Variants in CERS6 observed in about 807,000 individuals in gnomAD.
The protein encoded by CERS6 is LAG1 homolog, ceramide synthase 6.
Under a neutral mutation model 56.8 loss-of-function variants are expected in CERS6, and 26 were observed. That is an observed-to-expected ratio of 0.46 (90% confidence interval 0.34 to 0.63). The LOEUF (loss-of-function observed/expected upper bound fraction) is 0.63. CERS6 is among the 30% of genes least tolerant of loss of function. CERS6 has a pLI of 0.01. For missense variants in CERS6, 415 were observed against 467.5 expected, an observed-to-expected ratio of 0.89 and a Z score of 1.04; for synonymous variants, 164 against 173.3, an observed-to-expected ratio of 0.95 and a Z score of 0.42.
chr2:168,698,750 T>C (rs62174423), intron 6 of CERS6, among the ~76,000 whole-genome samples: 5,042 of 152,306 alleles, frequency 0.033, 121 homozygotes, highest in East Asian at 0.14. Flanking sequence ...CATTTTGTAT[T>C]ACTTTAACAT....
At chr2:168,530,638 T>G (rs1321917490) in intron 1 of CERS6, among the ~76,000 whole-genome samples, 1 of 152,238 alleles carries the variant, frequency 6.6e-6, no homozygotes, top group Non-Finnish European at 1.5e-5. Context: ...TGTGTTTCTT[T>G]AATAGTTGAA....
chr2:168,519,588 A>G (rs1435811009), intron 1 of CERS6, among the ~76,000 whole-genome samples: 3 of 152,014 alleles, frequency 2.0e-5, no homozygotes, highest in Admixed American at 1.3e-4. Flanking sequence ...TGCGTACCCA[A>G]TGTTTAGCTC....
chr2:168,593,920 A>T (rs1683734484), intron 3 of CERS6, among the ~76,000 whole-genome samples: 1 of 152,084 alleles, frequency 6.6e-6, no homozygotes, highest in African/African-American at 2.4e-5. Context: ...GACCATGAAT[A>T]CTCTGTTACT....
intron 4 of CERS6, among the ~76,000 whole-genome samples, chr2:168,665,736 A>G (rs1685741202): frequency 6.6e-6 from 1 of 152,184 alleles, no homozygotes; most frequent in Non-Finnish European, 1.5e-5. Context: ...AGTGACTGAC[A>G]TACAGTAGTC....
At chr2:168,615,858 A>G (rs1296162978) in intron 3 of CERS6, among the ~76,000 whole-genome samples, 2 of 152,184 alleles carry the variant, frequency 1.3e-5, no homozygotes, top group Non-Finnish European at 2.9e-5. Flanking sequence ...CAAATACAAG[A>G]CACACAAAGA....
chr2:168,740,094 G>A (rs527326579), intron 8 of CERS6, among the ~76,000 whole-genome samples: 4 of 152,064 alleles, frequency 2.6e-5, no homozygotes, highest in Non-Finnish European at 1.5e-5. Context: ...AAAAGAGCAA[G>A]GGAAAAATTA....
At chr2:168,599,823 A>G (rs1001388293) in intron 3 of CERS6, among the ~76,000 whole-genome samples, 5 of 152,202 alleles carry the variant, frequency 3.3e-5, no homozygotes, top group African/African-American at 1.2e-4. Context: ...GGAATTCCAA[A>G]TATAAAGAGG....
intron 6 of CERS6, among the ~76,000 whole-genome samples, chr2:168,705,097 CT>C (rs1686905674): frequency 1.3e-5 from 2 of 152,202 alleles, no homozygotes; most frequent in Non-Finnish European, 2.9e-5. Context: ...AGTCACACAA[CT>C]GGATTCAGAG....
intron 3 of CERS6, among the ~76,000 whole-genome samples, chr2:168,603,724 A>G (rs1683988263): frequency 6.6e-6 from 1 of 152,198 alleles, no homozygotes; most frequent in African/African-American, 2.4e-5. Flanking sequence ...TCCATGATGC[A>G]ATGTCTTTAA....
At chr2:168,677,538 C>T (rs1207435493) in intron 4 of CERS6, among the ~76,000 whole-genome samples, 2 of 151,994 alleles carry the variant, frequency 1.3e-5, no homozygotes, top group Non-Finnish European at 2.9e-5. Flanking sequence ...ACTCTTGTTG[C>T]CCAGGCTGGA....
chr2:168,762,573 C>T (rs1178715839), intron 8 of CERS6, among the ~76,000 whole-genome samples: 1 of 152,040 alleles, frequency 6.6e-6, no homozygotes, highest in Non-Finnish European at 1.5e-5. Context: ...CCATTTATAC[C>T]AATTTGGCCT....
chr2:168,474,482 G>T (rs886839778), intron 1 of CERS6, among the ~76,000 whole-genome samples: 2 of 152,168 alleles, frequency 1.3e-5, no homozygotes, highest in African/African-American at 4.8e-5. Flanking sequence ...CATTCCTCGT[G>T]TCCTCCCAAC....
chr2:168,639,013 C>T (rs149223606), intron 4 of CERS6, among the ~76,000 whole-genome samples: 2 of 152,068 alleles, frequency 1.3e-5, no homozygotes, highest in South Asian at 2.1e-4. Context: ...CACTTGATAA[C>T]ATAGCAACTT....
intron 1 of CERS6, among the ~76,000 whole-genome samples, chr2:168,475,563 G>GT (rs1414859361): frequency 1.4e-5 from 2 of 146,098 alleles, no homozygotes; most frequent in African/African-American, 5.0e-5. Context: ...TTTAATGGAT[G>GT]TATAAACAAT....
intron 8 of CERS6, among the ~76,000 whole-genome samples, chr2:168,750,156 G>A (rs899089390): frequency 1.3e-5 from 2 of 152,124 alleles, no homozygotes; most frequent in African/African-American, 4.8e-5. Flanking sequence ...ATTTGGTCTG[G>A]TATCTGAGCC....
intron 1 of CERS6, among the ~76,000 whole-genome samples, chr2:168,518,099 G>A (rs1694915846): frequency 6.6e-6 from 1 of 152,156 alleles, no homozygotes; most frequent in African/African-American, 2.4e-5. Flanking sequence ...TGTTTACGTT[G>A]TTATCTTTCA....
intron 8 of CERS6, among the ~76,000 whole-genome samples, chr2:168,721,599 A>G (rs1683170061): frequency 6.7e-6 from 1 of 149,280 alleles, no homozygotes; most frequent in Non-Finnish European, 1.5e-5. Context: ...AAACTAAAGA[A>G]AAAGAACATT....
chr2:168,730,225 A>T (rs1235434981), intron 8 of CERS6, among the ~76,000 whole-genome samples: 3 of 152,242 alleles, frequency 2.0e-5, no homozygotes. Flanking sequence ...TAGTAAGTTT[A>T]ATAAGTCCTG....
Position 168,460,756 on chromosome 2 carries a change from G to A in CERS6, c.170+4138G>A, listed in dbSNP as rs565514370. Among the ~76,000 whole-genome samples the A allele has an allele frequency of 2.6e-5, 4 of 152,314 alleles. No individual in the cohort carries two copies. The South Asian group carries it at 8.3e-4, about 32-fold the overall frequency. On this transcript the variant is annotated intron_variant, in intron 1 of 9. Coordinates refer to ENST00000305747, the MANE Select transcript of CERS6 (RefSeq NM_203463.3). ...AAGAATGAGAAGCTAATTCCTGCCAGATTGGCTCTCAAAATGCTAGGCTAT... is the reference window on the plus strand; with the variant it reads ...AAGAATGAGAAGCTAATTCCTGCCAAATTGGCTCTCAAAATGCTAGGCTAT...
Sources: gnomAD v4.1 joint callset for allele counts (sites outside exome capture counted in the v4.1 genomes callset) on GRCh38, gnomAD v4.1.1 for gene constraint, MANE v1.5 for transcripts, NCBI Gene and HGNC (gene_info 2026-07-23, HGNC 2026-07-21) for gene names.